NRXN3: variants seen among roughly 807,000 people sequenced by gnomAD.
The protein encoded by NRXN3 is neurexin 3, also known as neurexin III.
A neutral mutation model predicts 137.6 loss-of-function variants in NRXN3; 32 were observed. The ratio of observed to expected loss-of-function variants is 0.23; its 90% confidence interval spans 0.18 to 0.31. The LOEUF (loss-of-function observed/expected upper bound fraction) is 0.31, where lower values mean the gene tolerates loss of function less well. Ranked by LOEUF, NRXN3 falls within the 10% of genes least tolerant of loss-of-function variation. The pLI is 1.00. For missense variants in NRXN3, 1,574 were observed against 2,062.5 expected, an observed-to-expected ratio of 0.76 and a Z score of 4.59; for synonymous variants, 798 against 784.5, an observed-to-expected ratio of 1.02 and a Z score of -0.29.
intron 10 of NRXN3, among the ~76,000 whole-genome samples, chr14:78,937,771 C>T (rs189312556): frequency 6.6e-6 from 1 of 152,334 alleles, no homozygotes; most frequent in Admixed American, 6.5e-5. Flanking sequence ...AATATGTAAG[C>T]TGCTTAAAAC....
chr14:78,241,723 G>T (rs1011128903), intron 1 of NRXN3, among the ~76,000 whole-genome samples: 2 of 151,828 alleles, frequency 1.3e-5, no homozygotes, highest in Non-Finnish European at 2.9e-5. Flanking sequence ...CTTTACAAAT[G>T]AGGAAATAGA....
intron 16 of NRXN3, among the ~76,000 whole-genome samples, chr14:79,501,953 T>TA (rs529188324): frequency 1.1e-3 from 162 of 152,244 alleles, no homozygotes; most frequent in African/African-American, 3.7e-3. Context: ...TGTTACTTTT[T>TA]AAAAAAAGAT....
chr14:78,279,317 G>A (rs747981203), intron 3 of NRXN3, among the ~76,000 whole-genome samples: 56 of 152,278 alleles, frequency 3.7e-4, no homozygotes, highest in Non-Finnish European at 6.3e-4. Flanking sequence ...CTGGTTTTAA[G>A]CATTGCGTGT....
intron 15 of NRXN3, among the ~76,000 whole-genome samples, chr14:79,315,361 A>G (rs1483043450): frequency 6.6e-6 from 1 of 152,130 alleles, no homozygotes; most frequent in Non-Finnish European, 1.5e-5. Context: ...GATTTGTACT[A>G]TATATTGTTC....
rs1482134528 is a variant in NRXN3 at position 79,646,635 on chromosome 14, T to C, written c.3445-17143T>C. 5.9e-5 allele frequency among the ~76,000 whole-genome samples: 8 copies of C among 135,106 alleles called. 3 individuals carry two copies. The highest frequency in any genetic ancestry group is 1.4e-4 in the Non-Finnish European group (8 of 58,118). 88.6% of individuals were successfully genotyped at this position (135,106 alleles called of 152,430 possible). On this transcript the variant is annotated intron_variant, in intron 16 of 20. Transcript: ENST00000335750. ...GTCACAAATCCTCTGTAGATGCCTG[T>C]GGATTGGCTTTTCAGATCCTCTTAA...
At chr14:78,895,335 G>A (rs1217888311) in intron 10 of NRXN3, among the ~76,000 whole-genome samples, 1 of 151,846 alleles carries the variant, frequency 6.6e-6, no homozygotes, top group Non-Finnish European at 1.5e-5. Flanking sequence ...ATGTTATAGA[G>A]ATGATTTCTC....
intron 15 of NRXN3, among the ~76,000 whole-genome samples, chr14:79,428,238 C>A (rs928522652): frequency 6.6e-6 from 1 of 151,998 alleles, no homozygotes; most frequent in Non-Finnish European, 1.5e-5. Context: ...TTTTCAGGAG[C>A]CTGACAGAAA....
intron 15 of NRXN3, among the ~76,000 whole-genome samples, chr14:79,121,090 G>A (rs1596182099): frequency 2.0e-5 from 3 of 152,280 alleles, no homozygotes; most frequent in Middle Eastern, 6.8e-3. Context: ...TGGGCCCATA[G>A]ATCTTTCAAA....
intron 4 of NRXN3, among the ~76,000 whole-genome samples, chr14:78,307,202 GT>G (rs34790053): frequency 0.34 from 50,669 of 147,192 alleles, 8,789 homozygotes; most frequent in East Asian, 0.5. Context: ...CAGCTTAAAG[GT>G]TTTTTTTTTT....
intron 10 of NRXN3, among the ~76,000 whole-genome samples, chr14:78,905,479 A>C (rs1946786470): frequency 6.6e-6 from 1 of 151,240 alleles, no homozygotes; most frequent in African/African-American, 2.4e-5. Context: ...ATAAAAGTCT[A>C]ACTGTTTGAT....
At chr14:78,454,404 C>A (rs906948395) in intron 4 of NRXN3, among the ~76,000 whole-genome samples, 1 of 152,118 alleles carries the variant, frequency 6.6e-6, no homozygotes, top group Admixed American at 6.5e-5. Context: ...TAAGAAATCC[C>A]AAAAGGCTGT....
At chr14:78,451,231 A>G (rs571416072) in intron 4 of NRXN3, among the ~76,000 whole-genome samples, 11 of 152,338 alleles carry the variant, frequency 7.2e-5, no homozygotes, top group African/African-American at 2.6e-4. Flanking sequence ...CATGTGCCCA[A>G]TTACAACATA....
intron 4 of NRXN3, among the ~76,000 whole-genome samples, chr14:78,379,852 C>A (rs938514695): frequency 6.6e-6 from 1 of 152,126 alleles, no homozygotes; most frequent in African/African-American, 2.4e-5. Context: ...AAGAAATCTA[C>A]CATAAACACT....
chr14:79,721,440 TGTTGAAAAC>T (rs2098844207), intron 19 of NRXN3, among the ~76,000 whole-genome samples: 1 of 152,132 alleles, frequency 6.6e-6, no homozygotes, highest in South Asian at 2.1e-4. Context: ...GGCTTGAAAA[TGTTGAAAAC>T]ACATTGTGAA....
At chr14:78,277,236 A>G (rs1381385052) in intron 2 of NRXN3, among the ~76,000 whole-genome samples, 1 of 152,166 alleles carries the variant, frequency 6.6e-6, no homozygotes, top group Non-Finnish European at 1.5e-5. Flanking sequence ...GTGTTTCATT[A>G]TCGGTTGGCA....
In NRXN3 at chr14:79,518,668, C is replaced by A. The variant is rs147913073; in HGVS notation, c.3444+51266C>A. Among the ~76,000 whole-genome samples the A allele has an allele frequency of 3.1e-3, 468 of 152,210 alleles. 3 individuals are homozygous for A. The highest frequency in any genetic ancestry group is 0.011 in the African/African-American group (447 of 41,558). Reference sequence around the variant, plus strand: ...ATATCATCTAAACATAATTTTATCACTCTCTTTCCAGTTTTATATCTCCAA... The same window carrying A: ...ATATCATCTAAACATAATTTTATCAATCTCTTTCCAGTTTTATATCTCCAA... On this transcript the variant is annotated intron_variant, in intron 16 of 20. Transcript: ENST00000335750.
At chr14:79,682,232 T>A (rs889445677) in intron 17 of NRXN3, among the ~76,000 whole-genome samples, 1 of 152,190 alleles carries the variant, frequency 6.6e-6, no homozygotes. Context: ...CCCATGCTGA[T>A]CCATACTTTT....
chr14:79,865,761 G>A lies in NRXN3; in HGVS notation c.*3797G>A, dbSNP rs919857608. On this transcript the variant is annotated 3_prime_UTR_variant, in exon 21 of 21. Transcript: ENST00000335750. Reference sequence around the variant, plus strand: ...CTGCCTCAGCCTCCTGAGTAGCTGCGACTACAGGCATGGGCCACCACACCC... The same window carrying A: ...CTGCCTCAGCCTCCTGAGTAGCTGCAACTACAGGCATGGGCCACCACACCC... 3 of 152,046 alleles carry A rather than the reference G, an allele frequency of 2.0e-5. No individual in the cohort carries two copies. Among genetic ancestry groups the A allele is most frequent in the African/African-American group, 7.2e-5 (3 of 41,382 alleles). The allele number at this position is 152,046 out of a possible 1,614,324, so 9.4% of individuals were successfully genotyped here.
At chr14:78,381,257 A>C (rs2089059144) in intron 4 of NRXN3, among the ~76,000 whole-genome samples, 1 of 152,224 alleles carries the variant, frequency 6.6e-6, no homozygotes, top group Non-Finnish European at 1.5e-5. Flanking sequence ...GCTTGTCCCC[A>C]AAAGCATAAT....
Sources: gnomAD v4.1 joint callset for allele counts (sites outside exome capture counted in the v4.1 genomes callset) on GRCh38, gnomAD v4.1.1 for gene constraint, MANE v1.5 for transcripts, NCBI Gene and HGNC (gene_info 2026-07-23, HGNC 2026-07-21) for gene names.